FIG4: variants seen among roughly 807,000 people sequenced by gnomAD.
The protein encoded by FIG4 is FIG4 phosphoinositide 5-phosphatase, also known as polyphosphoinositide phosphatase.
Under a neutral mutation model 118.6 loss-of-function variants are expected in FIG4, and 112 were observed. The observed-to-expected ratio is 0.94, with a 90% CI of 0.81 to 1.11. FIG4 has a LOEUF of 1.11. Ranked by LOEUF, FIG4 falls within the 50% of genes least tolerant of loss-of-function variation. The pLI is 0.00. For missense variants in FIG4, 969 were observed against 1,111.7 expected (o/e 0.87, Z 1.83); for synonymous variants, 369 against 381.2 (o/e 0.97, Z 0.37).
intron 11 of FIG4, 87 bp downstream of exon 11, chr6:109,760,470 A>T: frequency 8.2e-7 from 1 of 1,212,680 alleles, no homozygotes; most frequent in Non-Finnish European, 1.2e-6. Context: ...GGTAAAGTAA[A>T]TGTTACCCTG....
At chr6:109,707,291 A>ATG (rs372863956) in intron 1 of FIG4, among the ~76,000 whole-genome samples, 6,501 of 145,444 alleles carry the variant, frequency 0.045, 176 homozygotes, top group South Asian at 0.088. Flanking sequence ...ATATATATAT[A>ATG]TGTGTGTGTG....
At chr6:109,798,887 A>G (rs984366787) in intron 22 of FIG4, among the ~76,000 whole-genome samples, 1 of 151,980 alleles carries the variant, frequency 6.6e-6, no homozygotes, top group South Asian at 2.1e-4. Context: ...ACTATTTAGC[A>G]TATGGAACTA....
intron 1 of FIG4, among the ~76,000 whole-genome samples, chr6:109,703,343 CTCT>C (rs920801129): frequency 2.6e-5 from 4 of 151,626 alleles, no homozygotes; most frequent in African/African-American, 9.7e-5. Context: ...TTTTTGTGCT[CTCT>C]TCTTTTTATC....
chr6:109,785,712 T>A (rs1313444093), intron 17 of FIG4: 1 of 470,646 alleles, frequency 2.1e-6, no homozygotes, highest in Admixed American at 2.3e-5. Flanking sequence ...ATGCTCCAAT[T>A]GAGGACTCCA....
chr6:109,824,603 T>C (rs933800611), intron 22 of FIG4, among the ~76,000 whole-genome samples: 1 of 152,252 alleles, frequency 6.6e-6, no homozygotes, highest in African/African-American at 2.4e-5. Context: ...GTGAACACTT[T>C]ATACATGTAA....
At chr6:109,708,399 T>C (rs1775154515) in intron 1 of FIG4, among the ~76,000 whole-genome samples, 1 of 152,240 alleles carries the variant, frequency 6.6e-6, no homozygotes, top group Non-Finnish European at 1.5e-5. Flanking sequence ...TCCATGTCTT[T>C]GCTATTGTGA....
intron 19 of FIG4, among the ~76,000 whole-genome samples, chr6:109,789,924 A>G (rs1379165479): frequency 6.6e-6 from 1 of 152,214 alleles, no homozygotes; most frequent in Non-Finnish European, 1.5e-5. Flanking sequence ...TGTCTTATAA[A>G]TAACTCAGCA....
intron 10 of FIG4, among the ~76,000 whole-genome samples, chr6:109,747,819 T>G (rs2128387904): frequency 6.6e-6 from 1 of 152,234 alleles, no homozygotes; most frequent in South Asian, 2.1e-4. Flanking sequence ...ATGGTCGTGC[T>G]CTATCACTTA....
At chr6:109,701,123 T>G (rs991523988) in intron 1 of FIG4, among the ~76,000 whole-genome samples, 11 of 152,050 alleles carry the variant, frequency 7.2e-5, no homozygotes. Context: ...TGTATAGAGG[T>G]GGATTTTGAG....
At chr6:109,693,007 C>T (rs1050285276) in intron 1 of FIG4, among the ~76,000 whole-genome samples, 1 of 152,106 alleles carries the variant, frequency 6.6e-6, no homozygotes, top group Admixed American at 6.5e-5. Context: ...AAATTTCAGC[C>T]CATTAAAAAG....
intron 14 of FIG4, 34 bp downstream of exon 14, chr6:109,765,195 A>C (rs370908571): frequency 3.1e-6 from 5 of 1,600,880 alleles, no homozygotes; most frequent in Non-Finnish European, 4.3e-6. Flanking sequence ...GAATGCTGAT[A>C]ATGGCAGAAG....
chr6:109,760,758 A>C (rs1342756308), intron 11 of FIG4, among the ~76,000 whole-genome samples: 1 of 152,158 alleles, frequency 6.6e-6, no homozygotes, highest in Non-Finnish European at 1.5e-5. Context: ...TCCTTAGTGT[A>C]ATGTCAAAGG....
At chr6:109,764,947 T>C (rs1020811122) in intron 13 of FIG4, 66 bp from the exon 14 acceptor site, 1 of 1,252,386 alleles carries the variant, frequency 8.0e-7, no homozygotes, top group Non-Finnish European at 1.2e-6. Context: ...TAAAGAAATC[T>C]AAAGTAGTAT....
At position 109,790,783 on chromosome 6, in the gene FIG4, G is replaced by A. The variant is rs139253635; in HGVS notation, c.2181-593G>A. On this transcript the variant is annotated intron_variant, in intron 19 of 22. Transcript: ENST00000230124. ...CTTCCAATTTGGCATTAAAATGAAAGTAAATACTTTTATAAGTGTAGGGTT... is the reference window on the plus strand; with the variant it reads ...CTTCCAATTTGGCATTAAAATGAAAATAAATACTTTTATAAGTGTAGGGTT... Among the ~76,000 whole-genome samples, 88 of 152,000 alleles carry A rather than the reference G, an allele frequency of 5.8e-4. 1 individual carries two copies. Among genetic ancestry groups the A allele is most frequent in the African/African-American group, 2.1e-3 (86 of 41,456 alleles).
chr6:109,729,744 A>C (rs1180661055), intron 4 of FIG4, among the ~76,000 whole-genome samples: 2 of 149,932 alleles, frequency 1.3e-5, no homozygotes, highest in Non-Finnish European at 3.0e-5. Flanking sequence ...ACTGTACTCC[A>C]GCCTAGGTGA....
intron 15 of FIG4, among the ~76,000 whole-genome samples, chr6:109,775,654 G>A (rs1266003096): frequency 6.6e-6 from 1 of 152,156 alleles, no homozygotes; most frequent in Non-Finnish European, 1.5e-5. Context: ...GGGCAGTAAT[G>A]TATGCATTAT....
chr6:109,770,893 G>A (rs1427137412), intron 15 of FIG4, among the ~76,000 whole-genome samples: 1 of 152,120 alleles, frequency 6.6e-6, no homozygotes, highest in Non-Finnish European at 1.5e-5. Flanking sequence ...ACGTGTGGAA[G>A]ACAGTGATCC....
At chr6:109,770,562 AATTGGCCCATG>A (rs1380036323) in intron 15 of FIG4, among the ~76,000 whole-genome samples, 2 of 152,084 alleles carry the variant, frequency 1.3e-5, no homozygotes, top group East Asian at 3.9e-4. Context: ...AGAGAGGTTG[AATTGGCCCATG>A]ATTTTGCAGG....
chr6:109,773,398 C>T (rs942302000), intron 15 of FIG4, among the ~76,000 whole-genome samples: 2 of 152,100 alleles, frequency 1.3e-5, no homozygotes, highest in Non-Finnish European at 2.9e-5. Flanking sequence ...CACAAACTTA[C>T]CATTTCTGAG....
Sources: gnomAD v4.1 joint callset for allele counts (sites outside exome capture counted in the v4.1 genomes callset) on GRCh38, gnomAD v4.1.1 for gene constraint, MANE v1.5 for transcripts, NCBI Gene and HGNC (gene_info 2026-07-23, HGNC 2026-07-21) for gene names.